Variants in IL12RB1 observed in about 807,000 individuals in gnomAD.
IL12RB1 encodes the protein interleukin 12 receptor subunit beta 1, also known as interleukin-12 receptor subunit beta-1.
In IL12RB1, 64 loss-of-function variants were observed where a neutral mutation model predicts 94.4. The observed-to-expected ratio is 0.68, with a 90% CI of 0.55 to 0.83. IL12RB1 has a LOEUF of 0.83. Among genes scored for constraint, IL12RB1 ranks in the 40% least tolerant of loss-of-function variants. IL12RB1 has a pLI of 0.00. For synonymous variants in IL12RB1, 362 were observed against 355.5 expected, an observed-to-expected ratio of 1.02 and a Z score of -0.21; for missense variants, 814 against 855.6, an observed-to-expected ratio of 0.95 and a Z score of 0.61.
chr19:18,069,646 C>T lies in IL12RB1; in HGVS notation c.1089G>A (p.Gln363=). The T allele has an allele frequency of 1.2e-6, 2 of 1,613,444 alleles. No individual in the cohort carries two copies. Among genetic ancestry groups the T allele is most frequent in the South Asian group, 2.2e-5 (2 of 91,070 alleles). Residue 363 remains glutamine (Q), a synonymous_variant, in exon 10 of 17, where the codon CAG becomes CAA. Transcript: ENST00000593993. ...GTTMYWPARA[Q]SMTYCIEWQP... is the part of the protein sequence containing the mutation. ...GCCATTCAATGCAATACGTCATGCT[C>T]TGAGCCCGGGCTGGCCAATACATGG...
upstream of IL12RB1, among the ~76,000 whole-genome samples, chr19:18,088,985 C>T (rs1167418986): frequency 2.7e-5 from 4 of 148,506 alleles, no homozygotes; most frequent in African/African-American, 7.5e-5. Context: ...GAGCTGAGAT[C>T]GTGCCACTGC....
chr19:18,082,646 G>C (rs1415082494), intron 2 of IL12RB1, among the ~76,000 whole-genome samples: 2 of 152,190 alleles, frequency 1.3e-5, no homozygotes, highest in Non-Finnish European at 2.9e-5. Context: ...AGTTAGTTGA[G>C]CTCATAGCCA....
intron 2 of IL12RB1, 90 bp from the exon 3 acceptor site, chr19:18,082,354 A>G (rs1394918327): frequency 1.7e-5 from 13 of 776,630 alleles, no homozygotes; most frequent in Non-Finnish European, 2.9e-5. Flanking sequence ...TACATCTTTC[A>G]GCGTCACCTC....
intron 1 of IL12RB1, among the ~76,000 whole-genome samples, chr19:18,095,979 T>A (rs1337555725): frequency 4.6e-5 from 7 of 152,018 alleles, no homozygotes; most frequent in Admixed American, 3.3e-4. Flanking sequence ...GTCCCAGCGC[T>A]TTGGGAGGCT....
upstream of IL12RB1, among the ~76,000 whole-genome samples, chr19:18,087,215 T>C (rs2036406633): frequency 6.6e-6 from 1 of 150,836 alleles, no homozygotes; most frequent in Non-Finnish European, 1.5e-5. Flanking sequence ...AGCCAATTTT[T>C]TTTTTTTTTT....
chr19:18,081,284 T>C (rs1467707438), intron 3 of IL12RB1, among the ~76,000 whole-genome samples: 1 of 151,590 alleles, frequency 6.6e-6, no homozygotes, highest in Admixed American at 6.6e-5. Context: ...TTAGTAGAGA[T>C]GGAGTTTCAC....
chr19:18,071,645 CA>C (rs1374369782), intron 9 of IL12RB1, among the ~76,000 whole-genome samples: 1 of 151,718 alleles, frequency 6.6e-6, no homozygotes, highest in Non-Finnish European at 1.5e-5. Context: ...CCAACAACAA[CA>C]AAAAACTGCA....
intron 1 of IL12RB1, among the ~76,000 whole-genome samples, chr19:18,097,612 C>T (rs1292410799): frequency 6.6e-6 from 1 of 152,138 alleles, no homozygotes; most frequent in African/African-American, 2.4e-5. Flanking sequence ...TTTACTTCTG[C>T]GCTCTGCTGG....
At chr19:18,090,328 GAGCAA>G (rs2036576098), upstream of IL12RB1, among the ~76,000 whole-genome samples, 1 of 152,166 alleles carries the variant, frequency 6.6e-6, no homozygotes, top group African/African-American at 2.4e-5. Flanking sequence ...CTGGGCCACA[GAGCAA>G]GACCCTGCTC....
At chr19:18,088,565 TA>T (rs778266743), upstream of IL12RB1, among the ~76,000 whole-genome samples, 2,448 of 129,606 alleles carry the variant, frequency 0.019, 42 homozygotes, top group African/African-American at 0.045. Flanking sequence ...TCCTGTCTCT[TA>T]AAAAAAAAAA....
At chr19:18,095,263 T>C (rs419540) in intron 1 of IL12RB1, among the ~76,000 whole-genome samples, 117,294 of 152,148 alleles carry the variant, frequency 0.77, 45,512 homozygotes, top group East Asian at 0.94. Flanking sequence ...GCTACCAAAA[T>C]GTGAAAAAAT....
chr19:18,091,826 T>C (rs118162005), upstream of IL12RB1, among the ~76,000 whole-genome samples: 971 of 151,358 alleles, frequency 6.4e-3, 1 homozygote, highest in Middle Eastern at 0.014. Context: ...GCCTCTGATA[T>C]AGCTGAGACA....
upstream of IL12RB1, among the ~76,000 whole-genome samples, chr19:18,091,881 T>C (rs2036646628): frequency 3.3e-5 from 5 of 149,766 alleles, no homozygotes; most frequent in African/African-American, 1.2e-4. Context: ...TTTTTTTTTT[T>C]TTTTTTTACT....
At chr19:18,071,171 G>A (rs1402006366) in intron 9 of IL12RB1, 9 of 330,780 alleles carry the variant, frequency 2.7e-5, no homozygotes, top group East Asian at 1.0e-4. Context: ...TCAGGAGTTC[G>A]AGACCAGCCT....
At chr19:18,076,544 C>T (rs2035492550) in intron 5 of IL12RB1, among the ~76,000 whole-genome samples, 1 of 152,092 alleles carries the variant, frequency 6.6e-6, no homozygotes, top group African/African-American at 2.4e-5. Context: ...GTTGGGACTA[C>T]AGGCATGCAC....
intron 1 of IL12RB1, among the ~76,000 whole-genome samples, chr19:18,084,535 A>C (rs1381272296): frequency 1.3e-5 from 2 of 151,304 alleles, no homozygotes; most frequent in African/African-American, 4.9e-5. Context: ...TTAATCCATT[A>C]TCCATTCACC....
At chr19:18,087,069 A>G (rs2036397821), upstream of IL12RB1, 1 of 725,454 alleles carries the variant, frequency 1.4e-6, no homozygotes, top group Admixed American at 2.7e-5. Flanking sequence ...AGCAAGTCTG[A>G]CTTTGGAGCA....
chr19:18,077,404 G>T, intron 5 of IL12RB1, 112 bp downstream of exon 5: 1 of 817,662 alleles, frequency 1.2e-6, no homozygotes, highest in Non-Finnish European at 2.1e-6. Context: ...TCAGGGGCTA[G>T]AGTGGGGGCT....
At chr19:18,084,681 C>A (rs376358507) in intron 1 of IL12RB1, among the ~76,000 whole-genome samples, 3,425 of 149,392 alleles carry the variant, frequency 0.023, 56 homozygotes, top group Non-Finnish European at 0.034. Flanking sequence ...ATCCATCCAT[C>A]CATCCATCCA....
Sources: allele counts gnomAD v4.1 joint callset (sites outside exome capture counted in the v4.1 genomes callset), GRCh38; gene constraint gnomAD v4.1.1; transcripts MANE v1.5; gene names NCBI Gene and HGNC (gene_info 2026-07-23, HGNC 2026-07-21).